Variants in MOB3B observed in about 807,000 individuals in gnomAD.
MOB3B encodes the protein MOB kinase activator-like 2B.
A neutral mutation model predicts 18.7 loss-of-function variants in MOB3B; 7 were observed. The ratio of observed to expected loss-of-function variants is 0.37; its 90% CI spans 0.21 to 0.70. MOB3B has a LOEUF of 0.70. MOB3B is among the 30% of genes least tolerant of loss of function. The pLI, the probability that MOB3B is intolerant of heterozygous loss-of-function variation, is 0.52. For missense variants in MOB3B, 253 were observed against 281.3 expected, an observed-to-expected ratio of 0.90 and a Z score of 0.72; for synonymous variants, 111 against 99.9, an observed-to-expected ratio of 1.11 and a Z score of -0.66.
chr9:27,382,717 G>GATATATATATATAT (rs57101091), intron 2 of MOB3B, among the ~76,000 whole-genome samples: 20 of 148,050 alleles, frequency 1.4e-4, no homozygotes, highest in South Asian at 1.3e-3. Context: ...AGGTGAAGGT[G>GATATATATATATAT]ATATATATAT....
intron 1 of MOB3B, among the ~76,000 whole-genome samples, chr9:27,497,242 A>G (rs969213061): frequency 2.6e-5 from 4 of 152,288 alleles, no homozygotes; most frequent in African/African-American, 9.6e-5. Context: ...ACTTCTGGGA[A>G]ATTTTCCTAA....
At chr9:27,510,026 C>T (rs537046382) in intron 1 of MOB3B, among the ~76,000 whole-genome samples, 1 of 152,304 alleles carries the variant, frequency 6.6e-6, no homozygotes, top group East Asian at 1.9e-4. Context: ...CACCCAGCCT[C>T]CAACAAATTT....
chr9:27,360,200 G>A (rs1471366998), intron 2 of MOB3B, among the ~76,000 whole-genome samples: 2 of 152,106 alleles, frequency 1.3e-5, no homozygotes, highest in African/African-American at 4.8e-5. Flanking sequence ...AAGGTCTGTT[G>A]TTATAAGGAA....
intron 2 of MOB3B, among the ~76,000 whole-genome samples, chr9:27,360,752 G>T (rs1821263530): frequency 6.6e-6 from 1 of 152,192 alleles, no homozygotes; most frequent in African/African-American, 2.4e-5. Context: ...CTGGCAGGCG[G>T]CAGTGACAAG....
At chr9:27,485,911 AC>A (rs1163275888) in intron 1 of MOB3B, among the ~76,000 whole-genome samples, 1 of 152,240 alleles carries the variant, frequency 6.6e-6, no homozygotes, top group Non-Finnish European at 1.5e-5. Flanking sequence ...ACTATTCAAG[AC>A]TTTTTACAAA....
chr9:27,461,224 T>G (rs1172613599), intron 1 of MOB3B, among the ~76,000 whole-genome samples: 1 of 152,144 alleles, frequency 6.6e-6, no homozygotes, highest in African/African-American at 2.4e-5. Context: ...GGGTTTTTAT[T>G]TTAGAGGGGT....
intron 2 of MOB3B, among the ~76,000 whole-genome samples, chr9:27,414,112 G>C (rs1052529285): frequency 1.5e-4 from 23 of 152,228 alleles, no homozygotes; most frequent in African/African-American, 5.3e-4. Context: ...AGGAATACAT[G>C]TGATCTCTCT....
chr9:27,342,984 C>T (rs892716595), intron 3 of MOB3B, among the ~76,000 whole-genome samples: 3 of 151,146 alleles, frequency 2.0e-5, no homozygotes, highest in African/African-American at 7.4e-5. Flanking sequence ...GGGAGGTATA[C>T]CCAACAGCTC....
chr9:27,394,866 T>G (rs1050355081), intron 2 of MOB3B, among the ~76,000 whole-genome samples: 9 of 152,210 alleles, frequency 5.9e-5, no homozygotes, highest in African/African-American at 2.2e-4. Context: ...GGAATATAGT[T>G]TGATGCCCAC....
intron 1 of MOB3B, among the ~76,000 whole-genome samples, chr9:27,519,173 A>T (rs1342293228): frequency 6.6e-6 from 1 of 152,054 alleles, no homozygotes; most frequent in Non-Finnish European, 1.5e-5. Flanking sequence ...GAACCAAACC[A>T]CCAAATAACT....
chr9:27,399,603 C>T (rs1170226797), intron 2 of MOB3B, among the ~76,000 whole-genome samples: 1 of 152,038 alleles, frequency 6.6e-6, no homozygotes, highest in East Asian at 1.9e-4. Context: ...GTCTGGAGAC[C>T]CTTCCATTAA....
chr9:27,465,684 C>T (rs996386190), intron 1 of MOB3B, among the ~76,000 whole-genome samples: 1 of 152,222 alleles, frequency 6.6e-6, no homozygotes, highest in Admixed American at 6.5e-5. Context: ...CATGTCCACA[C>T]ATCTTCTGAA....
At chr9:27,382,534 C>A (rs938515133) in intron 2 of MOB3B, among the ~76,000 whole-genome samples, 7 of 152,092 alleles carry the variant, frequency 4.6e-5, no homozygotes, top group African/African-American at 1.7e-4. Flanking sequence ...CCTAATCAAT[C>A]CGGGCATGTT....
chr9:27,496,645 T>C (rs1189227237), intron 1 of MOB3B, among the ~76,000 whole-genome samples: 1 of 152,186 alleles, frequency 6.6e-6, no homozygotes, highest in East Asian at 1.9e-4. Context: ...GAAACTGTAA[T>C]TAGGTGTGTT....
intron 1 of MOB3B, among the ~76,000 whole-genome samples, chr9:27,512,186 G>A (rs556998121): frequency 1.3e-5 from 2 of 152,230 alleles, no homozygotes; most frequent in South Asian, 4.1e-4. Flanking sequence ...AGACCCAACT[G>A]CAGCTCAAGT....
intron 3 of MOB3B, among the ~76,000 whole-genome samples, chr9:27,336,334 G>T (rs919925270): frequency 6.6e-6 from 1 of 152,154 alleles, no homozygotes; most frequent in Non-Finnish European, 1.5e-5. Context: ...TGGATAAGGG[G>T]GGGGAAGAGC....
intron 3 of MOB3B, among the ~76,000 whole-genome samples, chr9:27,350,841 C>T (rs903225661): frequency 1.3e-5 from 2 of 151,954 alleles, no homozygotes; most frequent in South Asian, 2.1e-4. Flanking sequence ...CATGAATGCA[C>T]ACTCCAGCTA....
chr9:27,367,680 C>T (rs554627363), intron 2 of MOB3B, among the ~76,000 whole-genome samples: 86 of 152,300 alleles, frequency 5.6e-4, no homozygotes, highest in South Asian at 8.3e-4. Flanking sequence ...ATGTTACCAA[C>T]GCTAGGAAGA....
At chr9:27,407,592 G>A (rs1279264972) in intron 2 of MOB3B, among the ~76,000 whole-genome samples, 1 of 152,134 alleles carries the variant, frequency 6.6e-6, no homozygotes, top group Non-Finnish European at 1.5e-5. Flanking sequence ...TCTTGGAGAA[G>A]CAGTGGTGAT....
Sources: allele counts gnomAD v4.1 joint callset (sites outside exome capture counted in the v4.1 genomes callset), GRCh38; gene constraint gnomAD v4.1.1; transcripts MANE v1.5; gene names NCBI Gene and HGNC (gene_info 2026-07-23, HGNC 2026-07-21).